MARCO: variants seen among roughly 807,000 people sequenced by gnomAD.
MARCO encodes macrophage receptor MARCO.
MARCO carries 72 observed loss-of-function variants against 70.0 expected under a neutral mutation model. The observed-to-expected ratio is 1.03, with a 90% confidence interval of 0.85 to 1.25. The LOEUF is 1.25. Ranked by LOEUF, MARCO falls within the 50% of genes most tolerant of loss-of-function variation. The probability of loss-of-function intolerance (pLI) is 0.00; values close to 1 mark genes in which losing one functional copy is unlikely to be tolerated. For synonymous variants in MARCO, 273 were observed against 243.1 expected, an observed-to-expected ratio of 1.12 and a Z score of -1.14; for missense variants, 696 against 659.3, an observed-to-expected ratio of 1.06 and a Z score of -0.61.
chr2:118,988,406 C>T (rs1231383583), intron 12 of MARCO, among the ~76,000 whole-genome samples: 1 of 151,966 alleles, frequency 6.6e-6, no homozygotes, highest in Non-Finnish European at 1.5e-5. Context: ...TACTTACCTG[C>T]ATGTGAACAG....
chr2:118,970,145 G>A lies in MARCO; in HGVS notation c.231G>A (p.Leu77=). The A allele has an allele frequency of 6.2e-7, 1 of 1,614,130 alleles. No homozygotes were observed. The highest frequency in any genetic ancestry group is 8.5e-7 in the Non-Finnish European group (1 of 1,180,024). Residue 77 remains leucine, a synonymous_variant, in exon 3 of 17, where the codon CTG becomes CTA. Transcript: ENST00000327097. ...ATCTGCAGGCGCGGCTCCGGGTCCT[G>A]GAGATGTATTTCCTCAATGACACTC... The part of the protein sequence containing the change: ...VLNLQARLRV[L]EMYFLNDTLA...
chr2:118,965,712 A>G, intron 1 of MARCO, among the ~76,000 whole-genome samples: 1 of 152,172 alleles, frequency 6.6e-6, no homozygotes, highest in East Asian at 1.9e-4. Context: ...CACACAGTTT[A>G]GGTTTATTAT....
chr2:118,994,405 T>A lies in MARCO; in HGVS notation c.1448T>A (p.Leu483Gln). ...KVGAGTGQIWLDNVQCRGTES... is the reference protein window; with the variant it reads ...KVGAGTGQIWQDNVQCRGTES... ...TATCAAGGCACTGGGCAGATCTGGCTGGATAATGTTCAGTGTCGGGGCACG... is the reference window on the plus strand; with the variant it reads ...TATCAAGGCACTGGGCAGATCTGGCAGGATAATGTTCAGTGTCGGGGCACG... The change falls in exon 17 of 17, where the codon CTG becomes CAG. Residue 483 changes from leucine to glutamine, a missense_variant. Around this residue, in one of 3 missense-constraint regions of MARCO, gnomAD observed 58 missense variants for 62.1 expected, o/e 0.93. Coordinates refer to ENST00000327097, the MANE Select transcript of MARCO (RefSeq NM_006770.4). 1 of 1,614,166 alleles carries A rather than the reference T, an allele frequency of 6.2e-7. No individual in the cohort carries two copies. The highest frequency in any genetic ancestry group is 8.5e-7 in the Non-Finnish European group (1 of 1,180,026).
intron 8 of MARCO, among the ~76,000 whole-genome samples, 168 bp downstream of exon 8, chr2:118,978,103 G>T (rs1680321502): frequency 6.6e-6 from 1 of 152,204 alleles, no homozygotes; most frequent in Non-Finnish European, 1.5e-5. Flanking sequence ...GGTGAGCAAA[G>T]AGATGCAATA....
intron 1 of MARCO, among the ~76,000 whole-genome samples, chr2:118,944,483 C>T (rs564824433): frequency 6.6e-6 from 1 of 152,148 alleles, no homozygotes; most frequent in South Asian, 2.1e-4. Flanking sequence ...TTATTTAGGC[C>T]ATATATAGTT....
chr2:118,964,814 G>A (rs1224594819), intron 1 of MARCO, among the ~76,000 whole-genome samples: 1 of 151,488 alleles, frequency 6.6e-6, no homozygotes, highest in Non-Finnish European at 1.5e-5. Context: ...CCTGAACCCA[G>A]GAGATGGAGG....
At chr2:118,971,261 G>T (rs561046226) in intron 3 of MARCO, among the ~76,000 whole-genome samples, 1 of 152,250 alleles carries the variant, frequency 6.6e-6, no homozygotes, top group South Asian at 2.1e-4. Context: ...GACTCCCAGG[G>T]ATCTACAGGT....
At chr2:118,986,717 GAAAGAAAAGAAAGAAAGAAAGA>G (rs1680520270) in intron 12 of MARCO, among the ~76,000 whole-genome samples, 4 of 102,074 alleles carry the variant, frequency 3.9e-5, no homozygotes, top group African/African-American at 2.0e-4. Flanking sequence ...AAGAAAGAAA[GAAAGAAAAGAAAGAAAGAAAGA>G]GAAAGAAAGA....
At chr2:118,977,322 GA>G in intron 6 of MARCO, 148 bp from the exon 7 acceptor site, 3 of 521,382 alleles carry the variant, frequency 5.8e-6, no homozygotes, top group South Asian at 2.6e-5. Context: ...GTGAAAAAGA[GA>G]GAGAGAGAGA....
At chr2:118,954,089 G>A (rs185081359) in intron 1 of MARCO, among the ~76,000 whole-genome samples, 38 of 152,318 alleles carry the variant, frequency 2.5e-4, no homozygotes, top group South Asian at 8.3e-4. Flanking sequence ...GGGAGGGTGC[G>A]AATCCAGCTT....
intron 1 of MARCO, 83 bp downstream of exon 1, chr2:118,942,480 G>C: frequency 8.8e-7 from 1 of 1,133,964 alleles, no homozygotes. Flanking sequence ...CAAGTCAATA[G>C]AAAGTCTAGG....
At chr2:118,991,928 G>C in intron 14 of MARCO, 53 bp downstream of exon 14, 1 of 1,246,352 alleles carries the variant, frequency 8.0e-7, no homozygotes, top group Non-Finnish European at 1.1e-6. Flanking sequence ...TTTACAGCCA[G>C]TTCTGTACCT....
chr2:118,985,766 C>A (rs1029994931), intron 12 of MARCO, among the ~76,000 whole-genome samples: 3 of 152,206 alleles, frequency 2.0e-5, no homozygotes, highest in Non-Finnish European at 4.4e-5. Flanking sequence ...TTACCATTTA[C>A]ACCTCATGAA....
intron 14 of MARCO, 66 bp from the exon 15 acceptor site, chr2:118,992,366 C>A: frequency 2.2e-6 from 3 of 1,375,884 alleles, no homozygotes; most frequent in South Asian, 2.3e-5. Flanking sequence ...CCCACTCATG[C>A]AAATGCAGGC....
intron 4 of MARCO, among the ~76,000 whole-genome samples, chr2:118,972,921 A>G (rs1305756568): frequency 1.3e-5 from 2 of 152,212 alleles, no homozygotes; most frequent in Non-Finnish European, 2.9e-5. Flanking sequence ...CTCACCCCAG[A>G]GCACAGAACA....
chr2:118,972,699 T>C (rs1475748267), intron 4 of MARCO, among the ~76,000 whole-genome samples: 7 of 152,242 alleles, frequency 4.6e-5, no homozygotes, highest in African/African-American at 9.6e-5. Context: ...TATATGGTTG[T>C]TATTCTGTTA....
intron 1 of MARCO, among the ~76,000 whole-genome samples, chr2:118,954,124 TC>T: frequency 6.6e-6 from 1 of 152,282 alleles, no homozygotes; most frequent in South Asian, 2.1e-4. Context: ...CAGGAGAAGA[TC>T]TAAAGCCCTT....
intron 1 of MARCO, among the ~76,000 whole-genome samples, chr2:118,966,853 C>T (rs1250485566): frequency 6.6e-6 from 1 of 152,212 alleles, no homozygotes; most frequent in Admixed American, 6.5e-5. Flanking sequence ...CCATCCACCA[C>T]CTCGTGTTAA....
At chr2:118,955,333 G>A (rs533618741) in intron 1 of MARCO, among the ~76,000 whole-genome samples, 238 of 152,164 alleles carry the variant, frequency 1.6e-3, no homozygotes, top group African/African-American at 5.6e-3. Context: ...TGATAGAATT[G>A]GATAAGTAGA....
Sources: allele counts gnomAD v4.1 joint callset (sites outside exome capture counted in the v4.1 genomes callset), GRCh38; gene constraint gnomAD v4.1.1; regional missense constraint gnomAD v4.1.1; transcripts MANE v1.5; gene names NCBI Gene and HGNC (gene_info 2026-07-23, HGNC 2026-07-21).